Variants in CCDC192 observed in about 807,000 individuals in gnomAD.
The protein encoded by CCDC192 is coiled-coil domain-containing protein 192.
intron 5 of CCDC192, among the ~76,000 whole-genome samples, chr5:127,856,451 G>T (rs1480289901): frequency 6.6e-6 from 1 of 152,190 alleles, no homozygotes; most frequent in Admixed American, 6.5e-5. Context: ...CAGCAACAGG[G>T]TTGGTTTGCT....
At position 127,872,143 on chromosome 5, in the gene CCDC192, T is replaced by C. The variant is rs866655577; in HGVS notation, c.412-3395T>C. Among the ~76,000 whole-genome samples the C allele has an allele frequency of 3.9e-5, 6 of 152,328 alleles. No homozygotes were observed. The South Asian group carries it at 1.0e-3, about 26-fold the overall frequency. On this transcript the variant is annotated intron_variant, in intron 5 of 6. Transcript: ENST00000514853. The stretch of plus-strand genomic sequence containing the variant: ...GCTATGAATTAATAGCAAAGAGCAG[T>C]TCTTTCTGGAGAAAAGAAAAAAAAA...
At chr5:127,719,549 A>ATC (rs1690342968) in intron 2 of CCDC192, among the ~76,000 whole-genome samples, 2 of 36,378 alleles carry the variant, frequency 5.5e-5, no homozygotes, top group South Asian at 7.0e-4. Flanking sequence ...ATATATATAT[A>ATC]TATATATATA....
At chr5:127,765,917 C>T (rs1215051191) in intron 3 of CCDC192, among the ~76,000 whole-genome samples, 3 of 152,134 alleles carry the variant, frequency 2.0e-5, no homozygotes, top group Admixed American at 6.5e-5. Flanking sequence ...TCTTCCTGAT[C>T]CCCAGTATTT....
At chr5:127,925,290 G>A (rs1391630840) in intron 6 of CCDC192, among the ~76,000 whole-genome samples, 6 of 128,354 alleles carry the variant, frequency 4.7e-5, no homozygotes, top group African/African-American at 2.3e-4. Flanking sequence ...TCTTGTTTGA[G>A]TCCCCTCTTG....
At chr5:127,935,327 A>G (rs1754158636) in intron 6 of CCDC192, 1 of 152,174 alleles carries the variant, frequency 6.6e-6, no homozygotes, top group Non-Finnish European at 1.5e-5. Flanking sequence ...CAACAAGTAT[A>G]TTTCCCATTG....
intron 3 of CCDC192, among the ~76,000 whole-genome samples, chr5:127,778,494 G>A (rs934716411): frequency 6.6e-5 from 10 of 152,096 alleles, no homozygotes; most frequent in Admixed American, 1.3e-4. Flanking sequence ...TATTTTTACT[G>A]TGCTGTTGGA....
At chr5:127,714,019 T>C (rs1457245518) in intron 2 of CCDC192, among the ~76,000 whole-genome samples, 1 of 152,218 alleles carries the variant, frequency 6.6e-6, no homozygotes, top group Non-Finnish European at 1.5e-5. Flanking sequence ...CAGCCTCTGG[T>C]AACCCCTATT....
intron 3 of CCDC192, among the ~76,000 whole-genome samples, chr5:127,795,927 C>T (rs1165722016): frequency 1.3e-5 from 2 of 152,148 alleles, no homozygotes; most frequent in Non-Finnish European, 2.9e-5. Context: ...TCATGAGGAG[C>T]ACCGCAGGTC....
At chr5:127,790,836 G>T (rs898036188) in intron 3 of CCDC192, among the ~76,000 whole-genome samples, 1 of 152,184 alleles carries the variant, frequency 6.6e-6, no homozygotes, top group Non-Finnish European at 1.5e-5. Context: ...CTTGGGCATA[G>T]CTTCCTTTTT....
chr5:127,805,711 A>G lies in CCDC192; in HGVS notation c.411+7549A>G, dbSNP rs188701366. Among the ~76,000 whole-genome samples, 11 of 152,294 alleles carry G rather than the reference A, an allele frequency of 7.2e-5. No individual in the cohort carries two copies. The East Asian group carries it at 2.1e-3, about 29-fold the overall frequency. ...AGGTGGTACTGAATGATTGCATGTG[A>G]GATAAATCTAGGAAATATTTTTGTT... On this transcript the variant is annotated intron_variant, in intron 5 of 6. Transcript: ENST00000514853.
At chr5:127,781,265 A>G (rs1194319456) in intron 3 of CCDC192, among the ~76,000 whole-genome samples, 1 of 152,148 alleles carries the variant, frequency 6.6e-6, no homozygotes. Flanking sequence ...AGGTAATGTG[A>G]AGCCTCCAAA....
In CCDC192 at chr5:127,911,929, A is replaced by AT. The variant is rs955064543; in HGVS notation, c.536-29243dup. On this transcript the variant is annotated intron_variant, in intron 6 of 6. Transcript: ENST00000514853. ...TCACATATCTCCCACCTCTCACCAA[A>AT]TTTTTTTTTTCGGATGGAATTTTGC... 2.1e-4 allele frequency among the ~76,000 whole-genome samples: 31 copies of AT among 147,492 alleles called. 1 individual carries two copies. The South Asian group carries it at 3.4e-3, about 16-fold the overall frequency.
chr5:127,795,827 T>C (rs896972937), intron 3 of CCDC192, among the ~76,000 whole-genome samples: 1 of 152,038 alleles, frequency 6.6e-6, no homozygotes, highest in African/African-American at 2.4e-5. Context: ...TACACTATAC[T>C]GTGTCTCTAA....
intron 5 of CCDC192, among the ~76,000 whole-genome samples, chr5:127,868,197 C>A (rs1004085054): frequency 6.6e-6 from 1 of 152,056 alleles, no homozygotes; most frequent in East Asian, 1.9e-4. Context: ...GATACTGGAA[C>A]CTTACACTTA....
intron 3 of CCDC192, among the ~76,000 whole-genome samples, chr5:127,782,530 C>T (rs931684184): frequency 3.3e-5 from 5 of 151,988 alleles, no homozygotes; most frequent in African/African-American, 1.2e-4. Context: ...CTAATTCTTC[C>T]TGATTTAAGC....
At chr5:127,892,164 A>G (rs1752749842) in intron 6 of CCDC192, among the ~76,000 whole-genome samples, 1 of 152,230 alleles carries the variant, frequency 6.6e-6, no homozygotes, top group Non-Finnish European at 1.5e-5. Context: ...TCATTTGAAG[A>G]TTGTTATGTG....
chr5:127,751,794 C>G (rs962687341), intron 2 of CCDC192, among the ~76,000 whole-genome samples: 1 of 152,198 alleles, frequency 6.6e-6, no homozygotes, highest in Admixed American at 6.5e-5. Context: ...TCCCATATTT[C>G]TTGGAGGCTT....
At chr5:127,780,109 T>G (rs869302401) in intron 3 of CCDC192, among the ~76,000 whole-genome samples, 3 of 152,044 alleles carry the variant, frequency 2.0e-5, no homozygotes, top group Non-Finnish European at 2.9e-5. Context: ...ATATCTATAT[T>G]TATCTATATA....
chr5:127,765,931 C>T (rs547498545), intron 3 of CCDC192, among the ~76,000 whole-genome samples: 119 of 152,152 alleles, frequency 7.8e-4, no homozygotes, highest in Non-Finnish European at 1.4e-3. Context: ...AGTATTTGTG[C>T]GTCTAAGCTC....
Sources: gnomAD v4.1 joint callset for allele counts (sites outside exome capture counted in the v4.1 genomes callset) on GRCh38, gnomAD v4.1.1 for gene constraint, MANE v1.5 for transcripts, NCBI Gene and HGNC (gene_info 2026-07-23, HGNC 2026-07-21) for gene names.